HRH4: variants seen among roughly 807,000 people sequenced by gnomAD.
The protein encoded by HRH4 is histamine receptor H4, also known as histamine H4 receptor.
Under a neutral mutation model 10.4 loss-of-function variants are expected in HRH4, and 12 were observed. The observed-to-expected ratio is 1.15, with a 90% confidence interval of 0.74 to 1.87. The LOEUF (loss-of-function observed/expected upper bound fraction) is 1.87, where lower values mean the gene tolerates loss of function less well. Among genes scored for constraint, HRH4 ranks in the 40% most tolerant of loss-of-function variants. HRH4 has a pLI of 0.00. For synonymous variants in HRH4, 154 were observed against 166.6 expected, an observed-to-expected ratio of 0.92 and a Z score of 0.58; for missense variants, 415 against 453.3, an observed-to-expected ratio of 0.92 and a Z score of 0.77.
At position 24,476,753 on chromosome 18, in the gene HRH4, T is replaced by C. The variant is rs776009766; in HGVS notation, c.364T>C (p.Tyr122His). 4.3e-6 allele frequency: 7 copies of C among 1,612,564 alleles called. No individual in the cohort carries two copies. The South Asian group carries it at 6.6e-5, about 15-fold the overall frequency. The change falls in exon 3 of 3, where the codon TAT becomes CAT. Residue 122 changes from tyrosine to histidine, a missense_variant. Tyr to His is a moderately conservative substitution (Grantham distance 83). Transcript: ENST00000256906. ...ATAATTTGGTTTCTTCTAGGTGTCTTATAGAACTCAACATACTGGGGTCTT... is the reference window on the plus strand; with the variant it reads ...ATAATTTGGTTTCTTCTAGGTGTCTCATAGAACTCAACATACTGGGGTCTT... ...RYLSVSNAVS[Y>H]RTQHTGVLKI... is the part of the protein sequence containing the mutation.
At chr18:24,473,543 G>T (rs571136668) in intron 2 of HRH4, among the ~76,000 whole-genome samples, 7 of 152,104 alleles carry the variant, frequency 4.6e-5, no homozygotes, top group African/African-American at 1.4e-4. Flanking sequence ...TTGTAACGTG[G>T]TGTTGTCTCC....
chr18:24,470,501 A>ATTTTTTTT (rs200257355), intron 2 of HRH4, among the ~76,000 whole-genome samples: 19,084 of 124,590 alleles, frequency 0.15, 1,624 homozygotes, highest in East Asian at 0.26. Flanking sequence ...TTGTTTCTCT[A>ATTTTTTTT]TTTTTTTTTT....
Position 24,477,193 on chromosome 18 carries a change from T to G in HRH4, c.804T>G (p.Asn268Lys), listed in dbSNP as rs770107394. The change falls in exon 3 of 3, where the codon AAT (asparagine) becomes AAG (lysine). Residue 268 changes from asparagine (N) to lysine (K), a missense_variant. Physicochemically the swap from Asn to Lys is moderately conservative, Grantham distance 94. Coordinates refer to ENST00000256906, the MANE Select transcript of HRH4 (RefSeq NM_021624.4). ...SLMFSSRTKM[N>K]SNTIASKMGS... is the part of the protein sequence containing the mutation. ...TGTTTTCCTCAAGAACCAAGATGAA[T>G]AGCAATACAATTGCTTCCAAAATGG... 1.2e-6 allele frequency: 2 copies of G among 1,614,022 alleles called. No individual in the cohort carries two copies. The highest frequency in any genetic ancestry group is 1.7e-6 in the Non-Finnish European group (2 of 1,179,972).
intron 1 of HRH4, among the ~76,000 whole-genome samples, chr18:24,464,107 C>T (rs911721353): frequency 3.3e-5 from 5 of 152,176 alleles, no homozygotes; most frequent in African/African-American, 1.2e-4. Flanking sequence ...GTTCAAGACT[C>T]TTTTCTGGCC....
intron 2 of HRH4, among the ~76,000 whole-genome samples, chr18:24,475,719 C>G (rs1868515703): frequency 1.3e-5 from 2 of 152,078 alleles, no homozygotes; most frequent in Admixed American, 6.6e-5. Flanking sequence ...TTTAAAAATC[C>G]TTTTTGGGCC....
intron 2 of HRH4, 112 bp from the exon 3 acceptor site, chr18:24,476,635 T>G: frequency 3.9e-6 from 3 of 769,648 alleles, no homozygotes; most frequent in Non-Finnish European, 6.4e-6. Context: ...ATACCCAGGT[T>G]AGTTAATGTC....
intron 2 of HRH4, 101 bp downstream of exon 2, chr18:24,469,052 G>A (rs17797951): frequency 0.24 from 210,914 of 873,156 alleles, 27,976 homozygotes; most frequent in Middle Eastern, 0.33. Flanking sequence ...TAATTTAATC[G>A]ACAGGCCTTA....
intron 1 of HRH4, among the ~76,000 whole-genome samples, chr18:24,465,288 AAAAC>A (rs959648239): frequency 2.4e-4 from 36 of 152,178 alleles, no homozygotes; most frequent in East Asian, 3.9e-4. Context: ...ACTGCGTCAA[AAAAC>A]AAACAAACAA....
rs1379164091 is a variant in HRH4 at position 24,460,941 on chromosome 18, T to G, written c.193+20T>G. The G allele has an allele frequency of 3.3e-5, 47 of 1,433,596 alleles. No homozygotes were observed. The highest frequency in any genetic ancestry group is 4.5e-5 in the Non-Finnish European group (47 of 1,054,266). The allele number at this position is 1,433,596 out of a possible 1,614,324, so 88.8% of individuals were successfully genotyped here. On this transcript the variant is annotated intron_variant, in intron 1 of 2. Transcript: ENST00000256906. The stretch of plus-strand genomic sequence containing the variant: ...TTGTGGGTAAGTTATATGTCTTTAT[T>G]TAAGACAGTCTTTTCCGATTTTAAT...
chr18:24,469,172 G>T (rs1909866897), intron 2 of HRH4, among the ~76,000 whole-genome samples: 1 of 152,162 alleles, frequency 6.6e-6, no homozygotes, highest in South Asian at 2.1e-4. Context: ...AGGAATCAAA[G>T]AAAACCCAAG....
At chr18:24,476,724 GA>G in intron 2 of HRH4, 22 bp from the exon 3 acceptor site, 2 of 1,533,244 alleles carry the variant, frequency 1.3e-6, no homozygotes, top group Non-Finnish European at 1.8e-6. Flanking sequence ...TCATTATATT[GA>G]AAATAATTTG....
chr18:24,465,855 G>A (rs1041583607), intron 1 of HRH4, among the ~76,000 whole-genome samples: 3 of 152,040 alleles, frequency 2.0e-5, no homozygotes, highest in African/African-American at 7.2e-5. Context: ...TTCCTCTTTT[G>A]CATAAATCAG....
intron 1 of HRH4, among the ~76,000 whole-genome samples, chr18:24,462,536 T>G (rs1568094947): frequency 6.6e-6 from 1 of 152,088 alleles, no homozygotes; most frequent in Non-Finnish European, 1.5e-5. Flanking sequence ...AGGGTGTGGT[T>G]GGGCGGGAAA....
intron 1 of HRH4, among the ~76,000 whole-genome samples, chr18:24,461,490 C>T (rs1909636963): frequency 6.6e-6 from 1 of 152,060 alleles, no homozygotes; most frequent in Non-Finnish European, 1.5e-5. Context: ...CCATAGAAAT[C>T]AAACCAACTT....
At position 24,460,774 on chromosome 18, in the gene HRH4, G is replaced by C. The variant is rs758027653; in HGVS notation, c.46G>C (p.Val16Leu). Residue 16 changes from valine to leucine, a missense_variant, in exon 1 of 3, where the codon GTT (valine) becomes CTT (leucine). Coordinates refer to ENST00000256906, the MANE Select transcript of HRH4 (RefSeq NM_021624.4). The stretch of plus-strand genomic sequence containing the variant: ...AATCAATTTATCACTAAGCACTCGT[G>C]TTACTTTAGCATTTTTTATGTCCTT... ...STINLSLSTR[V>L]TLAFFMSLVA... 6.5e-6 allele frequency: 10 copies of C among 1,542,954 alleles called. No individual in the cohort carries two copies. The highest frequency in any genetic ancestry group is 8.8e-6 in the Non-Finnish European group (10 of 1,132,144).
chr18:24,465,566 C>A (rs1353277401), intron 1 of HRH4, among the ~76,000 whole-genome samples: 1 of 152,090 alleles, frequency 6.6e-6, no homozygotes, highest in African/African-American at 2.4e-5. Flanking sequence ...CCATTTGACC[C>A]AAAAACACAA....
rs543735888 is a variant in HRH4 at position 24,468,870 on chromosome 18, TACTG to T, written c.280_283del (p.Asp94IlefsTer36). On this transcript the variant is annotated frameshift_variant, in exon 2 of 3. Coordinates refer to ENST00000256906, the MANE Select transcript of HRH4 (RefSeq NM_021624.4). LOFTEE classifies it high-confidence loss of function. ...AGGAAATCTGTGTATTTTGGCTCAC[TACTG>T]ACTATCTGTTATGTACAGCATCTGT... 2.0e-4 allele frequency: 326 copies of T among 1,613,938 alleles called. 3 individuals are homozygous for T. The South Asian group carries it at 3.0e-3, about 15-fold the overall frequency.
At chr18:24,463,080 G>A (rs1490141437) in intron 1 of HRH4, among the ~76,000 whole-genome samples, 1 of 152,170 alleles carries the variant, frequency 6.6e-6, no homozygotes, top group East Asian at 1.9e-4. Flanking sequence ...CCTGGGGCCT[G>A]AAGCTTTTGA....
chr18:24,461,318 C>T (rs917242719), intron 1 of HRH4, among the ~76,000 whole-genome samples: 1 of 151,858 alleles, frequency 6.6e-6, no homozygotes, highest in Non-Finnish European at 1.5e-5. Flanking sequence ...TATGTATATG[C>T]TAGTAACCAG....
Sources: gnomAD v4.1 joint callset for allele counts (sites outside exome capture counted in the v4.1 genomes callset) on GRCh38, gnomAD v4.1.1 for gene constraint, MANE v1.5 for transcripts, NCBI Gene and HGNC (gene_info 2026-07-23, HGNC 2026-07-21) for gene names.